Variants in MIA2 observed in about 807,000 individuals in gnomAD.
The protein encoded by MIA2 is MIA SH3 domain ER export factor 2, also known as melanoma inhibitory activity protein 2.
In MIA2, 127 loss-of-function variants were observed where a neutral mutation model predicts 167.8. The ratio of observed to expected loss-of-function variants is 0.76; its 90% CI spans 0.66 to 0.88. The LOEUF (loss-of-function observed/expected upper bound fraction) is 0.88, where lower values mean the gene tolerates loss of function less well. MIA2 is among the 40% of genes least tolerant of loss of function. The pLI is 0.00. For missense variants in MIA2, 1,690 were observed against 1,624.7 expected, an observed-to-expected ratio of 1.04 and a Z score of -0.69; for synonymous variants, 552 against 541.9, an observed-to-expected ratio of 1.02 and a Z score of -0.26.
intron 6 of MIA2, chr14:39,266,168 A>G (rs1262970127): frequency 1.0e-6 from 1 of 985,278 alleles, no homozygotes; most frequent in Non-Finnish European, 1.2e-6. Flanking sequence ...TTTGTTTAGG[A>G]GGAAGTATCT....
At chr14:39,263,140 T>C (rs1226696709) in intron 6 of MIA2, among the ~76,000 whole-genome samples, 2 of 152,018 alleles carry the variant, frequency 1.3e-5, no homozygotes, top group African/African-American at 2.4e-5. Context: ...CAGTATGATA[T>C]TGGCTGTGGG....
At chr14:39,294,449 C>T (rs1437320965) in intron 12 of MIA2, among the ~76,000 whole-genome samples, 1 of 150,670 alleles carries the variant, frequency 6.6e-6, no homozygotes, top group South Asian at 2.1e-4. Flanking sequence ...CGGCCCACCT[C>T]GGCCTCCCAA....
intron 18 of MIA2, among the ~76,000 whole-genome samples, chr14:39,311,765 T>C (rs1016884084): frequency 6.6e-6 from 1 of 151,048 alleles, no homozygotes; most frequent in African/African-American, 2.4e-5. Context: ...GTGGGGATTA[T>C]AGGCATGAGC....
intron 6 of MIA2, chr14:39,267,313 T>A: frequency 6.7e-7 from 1 of 1,492,282 alleles, no homozygotes; most frequent in Non-Finnish European, 8.9e-7. Context: ...GTCCCCCAGC[T>A]CCCCCCGCAG....
At chr14:39,384,451 C>T (rs2075230627) in intron 23 of MIA2, among the ~76,000 whole-genome samples, 3 of 152,176 alleles carry the variant, frequency 2.0e-5, no homozygotes, top group Non-Finnish European at 2.9e-5. Flanking sequence ...GAACACAACA[C>T]CCATTCTGCA....
chr14:39,353,906 A>G (rs992486209), downstream of MIA2, among the ~76,000 whole-genome samples: 7 of 152,136 alleles, frequency 4.6e-5, no homozygotes, highest in Non-Finnish European at 7.4e-5. Flanking sequence ...ATGATTTTTT[A>G]TGGCTGCATA....
chr14:39,269,057 G>GT, intron 6 of MIA2: 1 of 511,996 alleles, frequency 2.0e-6, no homozygotes, highest in Non-Finnish European at 2.4e-6. Context: ...CTGGTGCGTT[G>GT]TATCTTCACC....
chr14:39,387,045 T>C (rs2075283919), exon 24 of MIA2: 6 of 695,160 alleles, frequency 8.6e-6, no homozygotes, highest in Non-Finnish European at 1.5e-5. Context: ...CAGTGCCGGG[T>C]AGCTGGCGGC....
chr14:39,321,474 C>T (rs146674569), intron 24 of MIA2, among the ~76,000 whole-genome samples: 358 of 150,952 alleles, frequency 2.4e-3, no homozygotes, highest in African/African-American at 7.9e-3. Flanking sequence ...CCACCATGCC[C>T]GGCTAATTTT....
rs769534317 is a variant in MIA2, at chr14:39,238,793, C to CAAAAAAAA, written c.249+1749_250-1750dup. Among the ~76,000 whole-genome samples the CAAAAAAAA allele has an allele frequency of 4.9e-3, 152 of 30,782 alleles. 14 individuals carry two copies. In the East Asian group the frequency reaches 0.062, roughly 13 times the overall value. 20.2% of individuals were successfully genotyped at this position (30,782 alleles called of 152,430 possible). On this transcript the variant is annotated intron_variant, in intron 2 of 28. Coordinates refer to ENST00000640607, the MANE Select transcript of MIA2 (RefSeq NM_001329214.4). ...TGGGTTACAAAGTGAGACCCTGTCT[C>CAAAAAAAA]AAAAAAAAAAAAAAAAAACCCAAAA...
intron 6 of MIA2, chr14:39,266,214 T>G (rs994699863): frequency 2.0e-6 from 2 of 985,352 alleles, no homozygotes; most frequent in Non-Finnish European, 1.2e-6. Context: ...AGTACTTGAG[T>G]GAGAAGGCAG....
chr14:39,285,681 C>T (rs1326465710), intron 9 of MIA2, among the ~76,000 whole-genome samples: 10 of 151,508 alleles, frequency 6.6e-5, no homozygotes, highest in South Asian at 2.1e-4. Context: ...ACCTCCCTCC[C>T]GGTCGGGGTG....
chr14:39,262,231 A>T (rs2055156241), intron 6 of MIA2, among the ~76,000 whole-genome samples: 1 of 152,196 alleles, frequency 6.6e-6, no homozygotes, highest in South Asian at 2.1e-4. Context: ...AGCTTTCTAC[A>T]TATGGCTAGC....
chr14:39,253,355 T>C (rs2054661854), intron 6 of MIA2, 184 bp downstream of exon 6: 2 of 812,372 alleles, frequency 2.5e-6, no homozygotes, highest in South Asian at 3.5e-5. Context: ...TATTGATTTT[T>C]AAAAACATTT....
chr14:39,336,055 T>TA (rs1476351095), intron 25 of MIA2, among the ~76,000 whole-genome samples: 1 of 152,230 alleles, frequency 6.6e-6, no homozygotes, highest in Non-Finnish European at 1.5e-5. Context: ...TGAATAGTGT[T>TA]ACGATAAACA....
intron 25 of MIA2, among the ~76,000 whole-genome samples, chr14:39,330,646 A>T (rs944267726): frequency 2.0e-5 from 3 of 152,046 alleles, no homozygotes; most frequent in Non-Finnish European, 4.4e-5. Context: ...TGTGTCCCAG[A>T]GATTCTGGTA....
chr14:39,257,674 A>T (rs1006849855), intron 6 of MIA2, among the ~76,000 whole-genome samples: 7 of 152,138 alleles, frequency 4.6e-5, no homozygotes, highest in African/African-American at 1.7e-4. Flanking sequence ...GTTTCTTCAT[A>T]GTGTCATTAG....
chr14:39,378,661 AATCTCT>A (rs1407496667), intron 23 of MIA2, among the ~76,000 whole-genome samples: 1 of 152,228 alleles, frequency 6.6e-6, no homozygotes, highest in African/African-American at 2.4e-5. Context: ...GAATCACAGG[AATCTCT>A]TATGATTTTG....
At chr14:39,347,416 GA>G in intron 26 of MIA2, 2 of 345,184 alleles carry the variant, frequency 5.8e-6, no homozygotes, top group Non-Finnish European at 1.0e-5. Flanking sequence ...GAGGGAGGAG[GA>G]AAAGAAGGAA....
Sources: allele counts gnomAD v4.1 joint callset (sites outside exome capture counted in the v4.1 genomes callset), GRCh38; gene constraint gnomAD v4.1.1; transcripts MANE v1.5; gene names NCBI Gene and HGNC (gene_info 2026-07-23, HGNC 2026-07-21).